PEPD: variants seen among roughly 807,000 people sequenced by gnomAD.
PEPD encodes the protein xaa-Pro dipeptidase.
A neutral mutation model predicts 60.7 loss-of-function variants in PEPD; 53 were observed. The ratio of observed to expected loss-of-function variants is 0.87; its 90% CI spans 0.70 to 1.10. PEPD has a LOEUF of 1.10. Ranked by LOEUF, PEPD falls within the 50% of genes least tolerant of loss-of-function variation. PEPD has a pLI of 0.00. For synonymous variants in PEPD, 267 were observed against 284.1 expected (o/e 0.94, Z 0.60); for missense variants, 711 against 711.9 (o/e 1.00, Z 0.01).
chr19:33,499,134 C>T (rs951713488), intron 4 of PEPD, among the ~76,000 whole-genome samples: 5 of 152,140 alleles, frequency 3.3e-5, no homozygotes, highest in African/African-American at 9.7e-5. Context: ...TGCAAATAAA[C>T]GTTCCGTCTA....
chr19:33,391,482 G>C lies in PEPD; in HGVS notation c.968-3C>G. On this transcript the variant is annotated splice_region_variant and splice_polypyrimidine_tract_variant and intron_variant, in intron 12 of 14. Coordinates refer to ENST00000244137, the MANE Select transcript of PEPD (RefSeq NM_000285.4). ...GTGCATGTCAGGCCACCAGACACCT[G>C]TGGGCCAGAGGGAGCTGCCGTGAGC... is the stretch of plus-strand genomic sequence containing the variant. 1 of 1,549,202 alleles carries C rather than the reference G, an allele frequency of 6.5e-7. No individual in the cohort carries two copies. Among genetic ancestry groups the C allele is most frequent in the Non-Finnish European group, 8.7e-7 (1 of 1,146,972 alleles).
intron 9 of PEPD, among the ~76,000 whole-genome samples, chr19:33,448,181 G>A (rs1969627821): frequency 6.6e-6 from 1 of 152,248 alleles, no homozygotes; most frequent in African/African-American, 2.4e-5. Flanking sequence ...AGGTCTGGAT[G>A]AGGATTTTCT....
chr19:33,407,617 C>T (rs1053377130), intron 11 of PEPD, among the ~76,000 whole-genome samples: 3 of 152,236 alleles, frequency 2.0e-5, no homozygotes, highest in Admixed American at 2.0e-4. Flanking sequence ...AGCAAGTGTG[C>T]TGCGCTTTTG....
At chr19:33,430,869 G>T (rs563973539) in intron 9 of PEPD, among the ~76,000 whole-genome samples, 1 of 152,216 alleles carries the variant, frequency 6.6e-6, no homozygotes, top group Admixed American at 6.5e-5. Flanking sequence ...AGTGCACGCC[G>T]TCTGCCACGC....
At chr19:33,406,807 C>T (rs34822974) in intron 11 of PEPD, among the ~76,000 whole-genome samples, 23,862 of 152,176 alleles carry the variant, frequency 0.16, 2,435 homozygotes, top group Admixed American at 0.27. Context: ...GGTGAGCGGG[C>T]ACCCCATGGC....
Position 33,424,097 on chromosome 19 carries a change from C to T in PEPD, c.672-10454G>A, listed in dbSNP as rs570585190. On this transcript the variant is annotated intron_variant, in intron 9 of 14. Coordinates refer to ENST00000244137, the MANE Select transcript of PEPD (RefSeq NM_000285.4). Reference sequence around the variant, plus strand: ...GGTGGTTGGGGGCTGCGCCTGTCACCTGCTCCTGTGCTGGGACTTCCCACT... The same window carrying T: ...GGTGGTTGGGGGCTGCGCCTGTCACTTGCTCCTGTGCTGGGACTTCCCACT... 9.2e-5 allele frequency among the ~76,000 whole-genome samples: 14 copies of T among 152,358 alleles called. No homozygotes were observed. In the East Asian group the frequency reaches 2.7e-3, roughly 29 times the overall value.
chr19:33,460,100 G>A (rs1359581922), intron 9 of PEPD, among the ~76,000 whole-genome samples: 1 of 152,144 alleles, frequency 6.6e-6, no homozygotes, highest in Non-Finnish European at 1.5e-5. Flanking sequence ...CAAAAACACG[G>A]GCTTTAGAAG....
chr19:33,445,647 C>T (rs1368494088), intron 9 of PEPD, among the ~76,000 whole-genome samples: 1 of 152,238 alleles, frequency 6.6e-6, no homozygotes, highest in Non-Finnish European at 1.5e-5. Context: ...TGAGAAAACA[C>T]ATTTCTGTTG....
intron 11 of PEPD, among the ~76,000 whole-genome samples, chr19:33,407,620 C>T (rs564889186): frequency 4.9e-4 from 75 of 152,316 alleles, no homozygotes; most frequent in African/African-American, 1.6e-3. Context: ...AAGTGTGCTG[C>T]GCTTTTGTAA....
intron 11 of PEPD, among the ~76,000 whole-genome samples, chr19:33,407,759 C>CTT (rs1416726276): frequency 6.6e-6 from 1 of 152,216 alleles, no homozygotes; most frequent in Non-Finnish European, 1.5e-5. Context: ...GGAAAAGACT[C>CTT]TGAGAACAAC....
Position 33,401,888 on chromosome 19 carries a change from A to G in PEPD, c.819-19T>C, listed in dbSNP as rs1968504571. On this transcript the variant is annotated intron_variant, in intron 11 of 14. Transcript: ENST00000244137. ...GAACAGGCTGCGGAGAGAGGAAGGC[A>G]GGGCAAGTGGGTACTGGGGTGCCAC... 1 of 1,612,142 alleles carries G rather than the reference A, an allele frequency of 6.2e-7. No homozygotes were observed.
intron 3 of PEPD, among the ~76,000 whole-genome samples, chr19:33,504,673 C>T (rs1333337548): frequency 6.6e-6 from 1 of 151,902 alleles, no homozygotes; most frequent in East Asian, 1.9e-4. Flanking sequence ...GCAAGAGAAT[C>T]GCTTGAGCTA....
At chr19:33,496,749 C>T (rs1006930855) in intron 4 of PEPD, among the ~76,000 whole-genome samples, 1 of 152,348 alleles carries the variant, frequency 6.6e-6, no homozygotes, top group Admixed American at 6.5e-5. Context: ...CGGCAGCCCC[C>T]GGCCTCTCTG....
chr19:33,496,739 C>T (rs543521515), intron 4 of PEPD, among the ~76,000 whole-genome samples: 6 of 152,314 alleles, frequency 3.9e-5, no homozygotes, highest in East Asian at 1.9e-4. Flanking sequence ...TCGATTTCTC[C>T]GGCAGCCCCC....
chr19:33,467,311 C>A (rs112559058), intron 7 of PEPD, among the ~76,000 whole-genome samples: 1 of 152,044 alleles, frequency 6.6e-6, no homozygotes, highest in Non-Finnish European at 1.5e-5. Flanking sequence ...TCTGCATAGA[C>A]CACGGTCACA....
At chr19:33,401,900 T>A in intron 11 of PEPD, 31 bp from the exon 12 acceptor site, 1 of 1,609,344 alleles carries the variant, frequency 6.2e-7, no homozygotes, top group Non-Finnish European at 8.5e-7. Context: ...GGCAAGTGGG[T>A]ACTGGGGTGC....
At chr19:33,431,365 C>T (rs1969270941) in intron 9 of PEPD, among the ~76,000 whole-genome samples, 2 of 152,200 alleles carry the variant, frequency 1.3e-5, no homozygotes, top group South Asian at 4.1e-4. Flanking sequence ...TGTCCAGGTC[C>T]CCGCCGGAGG....
intron 7 of PEPD, among the ~76,000 whole-genome samples, chr19:33,466,661 C>A (rs768155507): frequency 6.6e-6 from 1 of 151,662 alleles, no homozygotes; most frequent in Non-Finnish European, 1.5e-5. Flanking sequence ...ATATTGGCCA[C>A]GTCCAGGATG....
chr19:33,443,685 A>G (rs1408021850), intron 9 of PEPD, among the ~76,000 whole-genome samples: 2 of 152,236 alleles, frequency 1.3e-5, no homozygotes, highest in Admixed American at 6.5e-5. Flanking sequence ...CCAAAAAAAA[A>G]AAAAGTTTGC....
Sources: gnomAD v4.1 joint callset for allele counts (sites outside exome capture counted in the v4.1 genomes callset) on GRCh38, gnomAD v4.1.1 for gene constraint, MANE v1.5 for transcripts, NCBI Gene and HGNC (gene_info 2026-07-23, HGNC 2026-07-21) for gene names.